RTCA: variants seen among roughly 807,000 people sequenced by gnomAD.
The protein encoded by RTCA is RNA terminal phosphate cyclase domain 1.
A neutral mutation model predicts 46.1 loss-of-function variants in RTCA; 37 were observed. The ratio of observed to expected loss-of-function variants is 0.80; its 90% confidence interval spans 0.62 to 1.06. The LOEUF (loss-of-function observed/expected upper bound fraction) is 1.06. Ranked by LOEUF, RTCA falls within the 50% of genes least tolerant of loss-of-function variation. The pLI is 0.00. For missense variants in RTCA, 435 were observed against 455.5 expected (o/e 0.95, Z 0.41); for synonymous variants, 164 against 158.3 (o/e 1.04, Z -0.27).
intron 7 of RTCA, among the ~76,000 whole-genome samples, chr1:100,277,054 C>A (rs946133017): frequency 1.3e-5 from 2 of 152,134 alleles, no homozygotes; most frequent in African/African-American, 2.4e-5. Flanking sequence ...TGTGACTTCT[C>A]CTGGTCAAGT....
At chr1:100,271,075 G>C (rs913444033) in intron 4 of RTCA, among the ~76,000 whole-genome samples, 2 of 151,784 alleles carry the variant, frequency 1.3e-5, no homozygotes, top group Non-Finnish European at 2.9e-5. Context: ...ATTGCAGTAG[G>C]GGGTGGGGAA....
rs1429228217 is a variant in RTCA, at chr1:100,292,377, A to T, written c.*873A>T. 6.6e-6 allele frequency: 1 copy of T among 152,188 alleles called. No homozygotes were observed. Among genetic ancestry groups the T allele is most frequent in the Non-Finnish European group, 1.5e-5 (1 of 68,100 alleles). 9.4% of individuals were successfully genotyped at this position (152,188 alleles called of 1,614,324 possible). A position where few individuals can be genotyped will look rare whatever the true frequency, so the allele number is the denominator to read the frequency against. On this transcript the variant is annotated 3_prime_UTR_variant, in exon 11 of 11. Coordinates refer to ENST00000370128, the MANE Select transcript of RTCA (RefSeq NM_003729.4). Reference sequence around the variant, plus strand: ...GAGTGCAGTGGCACAATCTCAGCTCACTGCAACCTCCGCCTTCCAGGTTGA... The same window carrying T: ...GAGTGCAGTGGCACAATCTCAGCTCTCTGCAACCTCCGCCTTCCAGGTTGA...
chr1:100,282,594 C>T (rs1435176249), intron 8 of RTCA, among the ~76,000 whole-genome samples: 1 of 152,160 alleles, frequency 6.6e-6, no homozygotes, highest in Admixed American at 6.5e-5. Context: ...TATTACTTAG[C>T]ATGGTAGATA....
At chr1:100,271,671 T>C (rs1666103166) in intron 4 of RTCA, among the ~76,000 whole-genome samples, 1 of 152,090 alleles carries the variant, frequency 6.6e-6, no homozygotes, top group Non-Finnish European at 1.5e-5. Context: ...AGTGGTATAA[T>C]CTTTTTTCTT....
At chr1:100,278,463 G>A (rs1447938769) in intron 8 of RTCA, among the ~76,000 whole-genome samples, 2 of 152,070 alleles carry the variant, frequency 1.3e-5, no homozygotes, top group Non-Finnish European at 2.9e-5. Context: ...TTCCTACTTT[G>A]TAGCATCTTT....
Position 100,270,691 on chromosome 1 carries a change from T to A in RTCA, c.414+11T>A. ...GATTATACAGTGATGGTAAGGGCTT[T>A]TGTTGTTGACAAACTAAGATGATCT... On this transcript the variant is annotated intron_variant, in intron 4 of 10. Transcript: ENST00000370128. 1 of 1,612,856 alleles carries A rather than the reference T, an allele frequency of 6.2e-7. No individual in the cohort carries two copies. The highest frequency in any genetic ancestry group is 2.2e-5 in the East Asian group (1 of 44,854).
intron 8 of RTCA, among the ~76,000 whole-genome samples, chr1:100,279,529 T>C (rs565166942): frequency 1.3e-5 from 2 of 152,302 alleles, no homozygotes; most frequent in South Asian, 4.1e-4. Context: ...TAGTCCAAGC[T>C]ACTCGGGAGG....
intron 8 of RTCA, among the ~76,000 whole-genome samples, chr1:100,281,680 A>G (rs566506986): frequency 6.7e-6 from 1 of 150,218 alleles, no homozygotes; most frequent in South Asian, 2.1e-4. Context: ...TCCCTCCCTC[A>G]GTGTATGTGG....
intron 6 of RTCA, 150 bp downstream of exon 6, chr1:100,275,115 CA>C (rs1265882354): frequency 2.5e-6 from 2 of 795,908 alleles, no homozygotes; most frequent in Non-Finnish European, 3.8e-6. Context: ...AGCTGGAGGC[CA>C]TTATCCTAAG....
In RTCA at chr1:100,266,581, C is replaced by T. The variant is rs369080909; in HGVS notation, c.103C>T (p.Arg35Trp). The change falls in exon 2 of 11, where the codon CGG (arginine) becomes TGG (tryptophan). Residue 35 changes from arginine to tryptophan, a missense_variant. Arg to Trp is a moderately radical substitution (Grantham distance 101, BLOSUM62 -3). Coordinates refer to ENST00000370128, the MANE Select transcript of RTCA (RefSeq NM_003729.4). The part of the protein sequence containing the change: ...ALSCLLGLPL[R>W]VQKIRAGRST... ...GAGCTGTCTCCTAGGCCTCCCCTTGCGGGTGCAGAAGATCCGAGCCGGCCG... is the reference window on the plus strand; with the variant it reads ...GAGCTGTCTCCTAGGCCTCCCCTTGTGGGTGCAGAAGATCCGAGCCGGCCG... 2.7e-5 allele frequency: 43 copies of T among 1,613,712 alleles called. No homozygotes were observed. The African/African-American group carries it at 5.2e-4, about 20-fold the overall frequency.
chr1:100,288,828 T>A (rs1391347310), intron 10 of RTCA, among the ~76,000 whole-genome samples: 1 of 152,114 alleles, frequency 6.6e-6, no homozygotes, highest in East Asian at 1.9e-4. Flanking sequence ...TTCTTTTCTT[T>A]TTTTTTTTCT....
intron 8 of RTCA, among the ~76,000 whole-genome samples, chr1:100,283,948 AAGAAAAAACAAG>A (rs1666880017): frequency 1.2e-4 from 4 of 32,576 alleles, no homozygotes; most frequent in Middle Eastern, 0.02. Flanking sequence ...AAAAAAAAAA[AAGAAAAAACAAG>A]AAAAAACAAG....
At chr1:100,271,526 T>C (rs1666093918) in intron 4 of RTCA, among the ~76,000 whole-genome samples, 3 of 152,186 alleles carry the variant, frequency 2.0e-5, no homozygotes, top group Admixed American at 2.0e-4. Flanking sequence ...TGTGTTATTT[T>C]ATAAATACAA....
chr1:100,272,639 G>A (rs1666157286), intron 4 of RTCA, among the ~76,000 whole-genome samples: 1 of 150,210 alleles, frequency 6.7e-6, no homozygotes, highest in Admixed American at 6.6e-5. Context: ...TAGACATCAG[G>A]CTTAAACACC....
intron 8 of RTCA, among the ~76,000 whole-genome samples, chr1:100,280,498 C>T (rs1180601460): frequency 6.6e-6 from 1 of 152,188 alleles, no homozygotes; most frequent in Non-Finnish European, 1.5e-5. Context: ...GAGGAGAGAG[C>T]AACATGCCTG....
At chr1:100,273,660 G>T (rs1666220132) in intron 5 of RTCA, among the ~76,000 whole-genome samples, 1 of 152,150 alleles carries the variant, frequency 6.6e-6, no homozygotes, top group Admixed American at 6.5e-5. Flanking sequence ...TTTATTTCTA[G>T]GGAAAATATT....
At chr1:100,273,494 G>A (rs185908230) in intron 5 of RTCA, 42 bp downstream of exon 5, 16 of 1,266,990 alleles carry the variant, frequency 1.3e-5, no homozygotes, top group East Asian at 2.5e-5. Context: ...TATTACTTAC[G>A]CTAGAAGTAG....
chr1:100,285,093 G>A (rs542700278), intron 8 of RTCA, 135 bp from the exon 9 acceptor site: 2 of 620,812 alleles, frequency 3.2e-6, no homozygotes, highest in Admixed American at 5.1e-5. Context: ...TATTCTAAAA[G>A]GTGCATTGAG....
In RTCA at chr1:100,266,278, C is replaced by T; in HGVS notation, c.-98C>T. 6.7e-7 allele frequency: 1 copy of T among 1,484,210 alleles called. No homozygotes were observed. Among genetic ancestry groups the T allele is most frequent in the Non-Finnish European group, 9.2e-7 (1 of 1,089,430 alleles). The allele number at this position is 1,484,210 out of a possible 1,614,324, so 91.9% of individuals were successfully genotyped here. ...CAGGCTCCTGCGCCCCAGGCATGAA[C>T]CAAGGTTTCTGAACTACTGGGCGGG... On this transcript the variant is annotated 5_prime_UTR_variant, in exon 1 of 11. Coordinates refer to ENST00000370128, the MANE Select transcript of RTCA (RefSeq NM_003729.4).
Sources: allele counts gnomAD v4.1 joint callset (sites outside exome capture counted in the v4.1 genomes callset), GRCh38; gene constraint gnomAD v4.1.1; transcripts MANE v1.5; gene names NCBI Gene and HGNC (gene_info 2026-07-23, HGNC 2026-07-21).